The following BRI3 variants were observed in gnomAD, a reference collection of about 807,000 sequenced individuals.
BRI3 encodes membrane protein BRI3.
A neutral mutation model predicts 12.8 loss-of-function variants in BRI3; 6 were observed. The observed-to-expected ratio is 0.47, with a 90% CI of 0.26 to 0.93. The LOEUF (loss-of-function observed/expected upper bound fraction) is 0.93, where lower values mean the gene tolerates loss of function less well. BRI3 is among the 40% of genes least tolerant of loss of function. BRI3 has a pLI of 0.15. For synonymous variants in BRI3, 91 were observed against 76.1 expected (o/e 1.20, Z -1.02); for missense variants, 134 against 171.1 (o/e 0.78, Z 1.21).
downstream of BRI3, among the ~76,000 whole-genome samples, chr7:98,293,866 G>T (rs1271979442): frequency 6.6e-6 from 1 of 152,214 alleles, no homozygotes; most frequent in Non-Finnish European, 1.5e-5. Context: ...TGTGACATGG[G>T]GGTCACTCTG....
the BRI3 span, among the ~76,000 whole-genome samples, chr7:98,321,627 G>A: frequency 3.3e-5 from 5 of 152,196 alleles, no homozygotes; most frequent in African/African-American, 9.7e-5. Flanking sequence ...AGGTGAACAA[G>A]GGCCTCTCTC....
chr7:98,320,267 G>C, the BRI3 span: 3 of 1,609,678 alleles, frequency 1.9e-6, no homozygotes, highest in African/African-American at 2.7e-5. Context: ...TGAGTTTCTT[G>C]TGGGTACTTG....
At chr7:98,292,665 C>T (rs183670544), downstream of BRI3, 116 of 1,551,660 alleles carry the variant, frequency 7.5e-5, no homozygotes, top group East Asian at 9.0e-4. Flanking sequence ...TGGCTTTACA[C>T]GTATCCTTTG....
intron 1 of BRI3, among the ~76,000 whole-genome samples, chr7:98,298,429 G>A (rs1340437320): frequency 6.6e-6 from 1 of 152,216 alleles, no homozygotes; most frequent in Non-Finnish European, 1.5e-5. Context: ...TGGCTAACAC[G>A]GTGAAACCCC....
At chr7:98,301,342 C>A (rs1800410152) in intron 1 of BRI3, among the ~76,000 whole-genome samples, 1 of 152,188 alleles carries the variant, frequency 6.6e-6, no homozygotes. Flanking sequence ...TCAATGACAA[C>A]TGAAATGATT....
chr7:98,292,428 CCTCACAAA>C (rs1168850718), downstream of BRI3: 2 of 574,736 alleles, frequency 3.5e-6, no homozygotes, highest in Non-Finnish European at 6.2e-6. Context: ...CCTGCCTCGG[CCTCACAAA>C]ATGCTGGGAT....
At chr7:98,293,939 A>G, downstream of BRI3, 1 of 1,024,076 alleles carries the variant, frequency 9.8e-7, no homozygotes, top group East Asian at 2.4e-5. Flanking sequence ...AGGGGGCTGC[A>G]CTCCCCCATG....
chr7:98,291,216 C>T lies in BRI3; in HGVS notation c.351C>T (p.Cys117=). The T allele has an allele frequency of 1.2e-6, 2 of 1,613,560 alleles. No homozygotes were observed. The highest frequency in any genetic ancestry group is 1.7e-6 in the Non-Finnish European group (2 of 1,180,050). ...ICCFALRKRR[C]PNCGATFA Reference sequence around the variant, plus strand: ...GTTTTGCCTTGAGGAAGCGACGATGCCCCAACTGTGGAGCCACCTTCGCTT... The same window carrying T: ...GTTTTGCCTTGAGGAAGCGACGATGTCCCAACTGTGGAGCCACCTTCGCTT... Residue 117 remains cysteine (C), a synonymous_variant, in exon 3 of 3, where the codon TGC becomes TGT. Coordinates refer to ENST00000297290, the MANE Select transcript of BRI3 (RefSeq NM_015379.5).
At chr7:98,304,070 C>T (rs140186312), upstream of BRI3, 3 of 1,022,264 alleles carry the variant, frequency 2.9e-6, no homozygotes, top group South Asian at 4.2e-5. Flanking sequence ...CCTCCTCCCT[C>T]CTCCCCGGGG....
downstream of BRI3, among the ~76,000 whole-genome samples, chr7:98,314,099 C>T (rs1800986233): frequency 6.7e-6 from 1 of 150,358 alleles, no homozygotes; most frequent in African/African-American, 2.4e-5. Context: ...AATTCTCCTG[C>T]CTCAGCCTCC....
At chr7:98,310,578 G>A (rs756426782), downstream of BRI3, 23 of 1,587,924 alleles carry the variant, frequency 1.4e-5, no homozygotes, top group South Asian at 4.7e-5. Context: ...AAAGGGTGTC[G>A]TAATCTTTCC....
chr7:98,318,682 C>T, the BRI3 span, among the ~76,000 whole-genome samples: 3 of 151,714 alleles, frequency 2.0e-5, no homozygotes, highest in South Asian at 2.1e-4. Flanking sequence ...TGGTGGCTCA[C>T]GCCTCTAATC....
the BRI3 span, chr7:98,315,594 A>C: frequency 6.9e-7 from 1 of 1,450,628 alleles, no homozygotes; most frequent in Non-Finnish European, 9.2e-7. Flanking sequence ...CTCTGACGAG[A>C]AGTAACGGTC....
At chr7:98,306,007 G>A (rs1190844322), upstream of BRI3, among the ~76,000 whole-genome samples, 1 of 152,154 alleles carries the variant, frequency 6.6e-6, no homozygotes, top group Non-Finnish European at 1.5e-5. Flanking sequence ...GAAGAGGGGT[G>A]CAAAGAGCTG....
At chr7:98,313,730 C>A (rs1229788864), downstream of BRI3, among the ~76,000 whole-genome samples, 2 of 151,676 alleles carry the variant, frequency 1.3e-5, no homozygotes, top group Non-Finnish European at 2.9e-5. Context: ...ACAATCCTTC[C>A]ACCTCAGCCT....
At chr7:98,310,140 C>T (rs983134268) in exon 2 of BRI3, 17 of 259,636 alleles carry the variant, frequency 6.5e-5, no homozygotes, top group Admixed American at 3.0e-4. Context: ...CGTGAGCCAC[C>T]GCGCCTGGCC....
the BRI3 span, chr7:98,315,614 TAAAAAA>T: frequency 0.015 from 11,348 of 770,870 alleles, 1,157 homozygotes; most frequent in Admixed American, 0.026. Context: ...CTCCACATAC[TAAAAAA>T]AAAAAAATAA....
chr7:98,297,098 C>T (rs948933575), downstream of BRI3, among the ~76,000 whole-genome samples: 3 of 152,238 alleles, frequency 2.0e-5, no homozygotes, highest in Admixed American at 6.5e-5. Context: ...AAACCAGCAG[C>T]CACTACGAGA....
At chr7:98,313,461 C>T (rs1436326966), downstream of BRI3, among the ~76,000 whole-genome samples, 1 of 152,100 alleles carries the variant, frequency 6.6e-6, no homozygotes, top group Non-Finnish European at 1.5e-5. Flanking sequence ...CTCAAGGTCA[C>T]CTCTGTCCTC....
Sources: gnomAD v4.1 joint callset for allele counts (sites outside exome capture counted in the v4.1 genomes callset) on GRCh38, gnomAD v4.1.1 for gene constraint, MANE v1.5 for transcripts, NCBI Gene and HGNC (gene_info 2026-07-23, HGNC 2026-07-21) for gene names.